The following NOL4L variants were observed in gnomAD, a reference collection of about 807,000 sequenced individuals.
NOL4L encodes nucleolar protein 4 like.
A neutral mutation model predicts 64.5 loss-of-function variants in NOL4L; 7 were observed. That is an observed-to-expected ratio of 0.11 (90% CI 0.06 to 0.20). The LOEUF (loss-of-function observed/expected upper bound fraction) is 0.20, where lower values mean the gene tolerates loss of function less well. Among genes scored for constraint, NOL4L ranks in the 10% least tolerant of loss-of-function variants. The probability of loss-of-function intolerance (pLI) is 1.00; values close to 1 mark genes in which losing one functional copy is unlikely to be tolerated. For missense variants in NOL4L, 680 were observed against 967.1 expected (o/e 0.70, Z 3.94); for synonymous variants, 413 against 401.0 (o/e 1.03, Z -0.36).
chr20:32,578,556 A>T (rs930027340), intron 1 of NOL4L, among the ~76,000 whole-genome samples: 8 of 152,128 alleles, frequency 5.3e-5, no homozygotes, highest in African/African-American at 1.4e-4. Context: ...TGAGTTTTTT[A>T]AAATTTTGCA....
intron 2 of NOL4L, among the ~76,000 whole-genome samples, chr20:32,523,832 T>C (rs1009286462): frequency 6.6e-6 from 1 of 152,156 alleles, no homozygotes; most frequent in Non-Finnish European, 1.5e-5. Flanking sequence ...AACAGGGACT[T>C]CACTGGCAGA....
rs139252882 is a variant in NOL4L, at chr20:32,461,103, G to A, written c.842-4708C>T. On this transcript the variant is annotated intron_variant, in intron 5 of 10. Coordinates refer to ENST00000621426, the MANE Select transcript of NOL4L (RefSeq NM_001256798.2). ...GGGCAGAGGTGCTGCTCGGGGTGGG[G>A]TTGGTCCAGCCTGTCCCTCGGCCCC... is the stretch of plus-strand genomic sequence containing the variant. 4.7e-3 allele frequency among the ~76,000 whole-genome samples: 722 copies of A among 152,352 alleles called. 9 individuals are homozygous for A. Among genetic ancestry groups the A allele is most frequent in the African/African-American group, 0.016 (654 of 41,588 alleles).
At chr20:32,524,084 C>T (rs752196266) in intron 2 of NOL4L, among the ~76,000 whole-genome samples, 3 of 152,198 alleles carry the variant, frequency 2.0e-5, no homozygotes, top group Non-Finnish European at 2.9e-5. Flanking sequence ...ATCTGACCTA[C>T]CAGCACCCTG....
intron 1 of NOL4L, among the ~76,000 whole-genome samples, chr20:32,578,086 T>C (rs769360836): frequency 7.8e-6 from 1 of 128,446 alleles, no homozygotes; most frequent in Non-Finnish European, 1.6e-5. Context: ...TAAGCCAATA[T>C]TGCGTCAAAA....
intron 5 of NOL4L, among the ~76,000 whole-genome samples, chr20:32,468,681 A>G (rs1033377057): frequency 6.6e-5 from 10 of 152,072 alleles, no homozygotes; most frequent in African/African-American, 2.4e-4. Flanking sequence ...CGGGCAGATC[A>G]TGAGGTCAGG....
intron 1 of NOL4L, among the ~76,000 whole-genome samples, chr20:32,533,997 T>A (rs1164312524): frequency 6.6e-6 from 1 of 152,212 alleles, no homozygotes; most frequent in Non-Finnish European, 1.5e-5. Flanking sequence ...TGCTAATGGA[T>A]TGCAGTTCTG....
At chr20:32,553,131 T>C (rs1478581672) in intron 1 of NOL4L, among the ~76,000 whole-genome samples, 3 of 152,148 alleles carry the variant, frequency 2.0e-5, no homozygotes, top group African/African-American at 4.8e-5. Context: ...CAGCAAATCC[T>C]GTGGCGCGCC....
At chr20:32,472,582 G>T (rs543115441) in intron 5 of NOL4L, among the ~76,000 whole-genome samples, 10 of 152,322 alleles carry the variant, frequency 6.6e-5, no homozygotes, top group Admixed American at 6.5e-4. Flanking sequence ...AAGAGGGGCT[G>T]GTTGTATGTC....
intron 4 of NOL4L, chr20:32,474,994 C>T (rs1568629565): frequency 6.1e-6 from 6 of 985,226 alleles, no homozygotes; most frequent in South Asian, 4.7e-5. Flanking sequence ...TATGAGGTCT[C>T]GCATCCTGCA....
chr20:32,452,186 C>T, intron 10 of NOL4L, 50 bp downstream of exon 10: 1 of 1,473,520 alleles, frequency 6.8e-7, no homozygotes, highest in South Asian at 1.4e-5. Flanking sequence ...CTCTGCAGAC[C>T]CAGCTGGGTG....
intron 5 of NOL4L, among the ~76,000 whole-genome samples, chr20:32,468,917 A>AAAAGAAAG (rs571287123): frequency 3.0e-4 from 33 of 109,796 alleles, no homozygotes; most frequent in African/African-American, 4.3e-4. Context: ...AAAAAAAAAA[A>AAAAGAAAG]AAAGAAAGAA....
chr20:32,574,777 G>C (rs562542293), intron 1 of NOL4L, among the ~76,000 whole-genome samples: 45 of 143,450 alleles, frequency 3.1e-4, no homozygotes, highest in African/African-American at 1.1e-3. Context: ...CGCTGGCCCC[G>C]AGGCCTAAGT....
intron 6 of NOL4L, among the ~76,000 whole-genome samples, chr20:32,455,257 C>T (rs1278800049): frequency 2.6e-5 from 4 of 152,242 alleles, no homozygotes; most frequent in Non-Finnish European, 5.9e-5. Context: ...CTTCATGGAA[C>T]AGCAGCTATG....
chr20:32,520,823 G>C lies in NOL4L; in HGVS notation c.577C>G (p.Leu193Val). 1 of 1,549,502 alleles carries C rather than the reference G, an allele frequency of 6.5e-7. No individual in the cohort carries two copies. The highest frequency in any genetic ancestry group is 8.7e-7 in the Non-Finnish European group (1 of 1,145,904). ...CCACCCCTGCTACCTTTGGGTTCCA[G>C]GCCATTGGAGTTAAAGTGCATCCTC... is the stretch of plus-strand genomic sequence containing the variant. Reference protein sequence around the residue: ...QKRMHFNSNGLEPKENEPPSP... With the variant: ...QKRMHFNSNGVEPKENEPPSP... Residue 193 changes from leucine (L) to valine (V), a missense_variant, in exon 3 of 11, where the codon CTG becomes GTG. Leu to Val is a conservative substitution (Grantham distance 32). Coordinates refer to ENST00000621426, the MANE Select transcript of NOL4L (RefSeq NM_001256798.2).
chr20:32,481,968 G>GGGA (rs1555794906), intron 4 of NOL4L, among the ~76,000 whole-genome samples: 5 of 149,004 alleles, frequency 3.4e-5, no homozygotes, highest in Non-Finnish European at 6.0e-5. Context: ...GCGGGGCGGG[G>GGGA]GGGGGGGAGC....
intron 4 of NOL4L, among the ~76,000 whole-genome samples, chr20:32,488,965 CTT>C (rs1174304651): frequency 1.1e-4 from 5 of 45,082 alleles, no homozygotes; most frequent in African/African-American, 5.3e-4. Flanking sequence ...AATTGTTGGT[CTT>C]TTTTTTTTTT....
chr20:32,540,255 A>ACAGTCTGACACAGCCACACACACACAGT lies in NOL4L; in HGVS notation c.322-12370_322-12343dup, dbSNP rs1489734012. On this transcript the variant is annotated intron_variant, in intron 1 of 10. Coordinates refer to ENST00000621426, the MANE Select transcript of NOL4L (RefSeq NM_001256798.2). The stretch of plus-strand genomic sequence containing the variant: ...GACAGATGTGTGTAGGCCGTGACAC[A>ACAGTCTGACACAGCCACACACACACAGT]CAGTCTGACACAGCCACACACACAC... Among the ~76,000 whole-genome samples the ACAGTCTGACACAGCCACACACACACAGT allele has an allele frequency of 3.9e-5, 6 of 152,240 alleles. No homozygotes were observed. The East Asian group carries it at 9.6e-4, about 24-fold the overall frequency.
intron 4 of NOL4L, among the ~76,000 whole-genome samples, chr20:32,488,803 CTTTTT>C (rs1568648231): frequency 0.088 from 5,095 of 57,838 alleles, 513 homozygotes; most frequent in East Asian, 0.11. Flanking sequence ...TTCTTTCTTT[CTTTTT>C]CTTTCTTTCT....
At chr20:32,583,400 G>A (rs1473841530) in intron 1 of NOL4L, among the ~76,000 whole-genome samples, 1 of 150,140 alleles carries the variant, frequency 6.7e-6, no homozygotes, top group Non-Finnish European at 1.5e-5. Flanking sequence ...AGCCCGCTCC[G>A]GCCGGGGACG....
Sources: allele counts gnomAD v4.1 joint callset (sites outside exome capture counted in the v4.1 genomes callset), GRCh38; gene constraint gnomAD v4.1.1; transcripts MANE v1.5; gene names NCBI Gene and HGNC (gene_info 2026-07-23, HGNC 2026-07-21).